GAS7: variants seen among roughly 807,000 people sequenced by gnomAD.
The protein encoded by GAS7 is growth arrest-specific protein 7.
A neutral mutation model predicts 71.1 loss-of-function variants in GAS7; 28 were observed. The ratio of observed to expected loss-of-function variants is 0.39; its 90% CI spans 0.29 to 0.54. The LOEUF (loss-of-function observed/expected upper bound fraction) is 0.54, where lower values mean the gene tolerates loss of function less well. Among genes scored for constraint, GAS7 ranks in the 20% least tolerant of loss-of-function variants. The probability of loss-of-function intolerance (pLI) is 0.62; values close to 1 mark genes in which losing one functional copy is unlikely to be tolerated. For missense variants in GAS7, 436 were observed against 627.8 expected, an observed-to-expected ratio of 0.69 and a Z score of 3.27; for synonymous variants, 258 against 245.8, an observed-to-expected ratio of 1.05 and a Z score of -0.46.
chr17:10,048,722 G>T lies in GAS7; in HGVS notation c.184-28825C>A, dbSNP rs72809306. On this transcript the variant is annotated intron_variant, in intron 1 of 13. Coordinates refer to ENST00000432992, the MANE Select transcript of GAS7 (RefSeq NM_201433.2). ...TATTTCAAGTGAAAGAAATAGGAAG[G>T]TTCTGTTAGAGGCATGCAAGTGAAG... Among the ~76,000 whole-genome samples the T allele has an allele frequency of 6.7e-3, 1,020 of 152,284 alleles. 4 individuals carry two copies. The highest frequency in any genetic ancestry group is 9.5e-3 in the Admixed American group (145 of 15,294).
intron 2 of GAS7, among the ~76,000 whole-genome samples, chr17:9,991,263 G>T (rs1285388343): frequency 6.6e-6 from 1 of 152,186 alleles, no homozygotes; most frequent in Non-Finnish European, 1.5e-5. Context: ...GTGAAGGGGG[G>T]CTAGAATGCC....
chr17:10,198,546 G>A lies in GAS7; in HGVS notation c.-156C>T. 1 of 418,306 alleles carries A rather than the reference G, an allele frequency of 2.4e-6. No homozygotes were observed. The highest frequency in any genetic ancestry group is 4.1e-6 in the Non-Finnish European group (1 of 246,878). 25.9% of individuals were successfully genotyped at this position (418,306 alleles called of 1,614,324 possible). On this transcript the variant is annotated 5_prime_UTR_variant, in exon 1 of 14. Transcript: ENST00000432992. Reference sequence around the variant, plus strand: ...GTGCGCGGGGGTCCTCAGGCAGGCGGGGGACGCGCGCTCCGCGCCGGGAAG... The same window carrying A: ...GTGCGCGGGGGTCCTCAGGCAGGCGAGGGACGCGCGCTCCGCGCCGGGAAG...
At chr17:10,095,206 T>C (rs1331354432) in intron 1 of GAS7, among the ~76,000 whole-genome samples, 4 of 152,226 alleles carry the variant, frequency 2.6e-5, no homozygotes, top group African/African-American at 9.6e-5. Context: ...GGTATATTGG[T>C]ATTCCCTGAA....
chr17:10,116,549 C>G (rs538900587), intron 1 of GAS7, among the ~76,000 whole-genome samples: 4 of 152,078 alleles, frequency 2.6e-5, no homozygotes, highest in African/African-American at 7.2e-5. Flanking sequence ...GCAGATAGCA[C>G]CAGCCGCATC....
chr17:9,983,829 T>G (rs1429674439), intron 2 of GAS7, among the ~76,000 whole-genome samples: 1 of 152,048 alleles, frequency 6.6e-6, no homozygotes, highest in Admixed American at 6.6e-5. Context: ...TTTTAAAAAC[T>G]TTCCAAAATC....
At chr17:9,950,714 G>A (rs2152103131) in intron 5 of GAS7, among the ~76,000 whole-genome samples, 1 of 152,194 alleles carries the variant, frequency 6.6e-6, no homozygotes, top group Admixed American at 6.5e-5. Flanking sequence ...AAATTAGCCG[G>A]GCATGGTGGT....
At chr17:10,063,613 G>T (rs28375310) in intron 1 of GAS7, among the ~76,000 whole-genome samples, 5,465 of 152,202 alleles carry the variant, frequency 0.036, 232 homozygotes, top group African/African-American at 0.11. Context: ...AGCTAATAAT[G>T]GCGGTGCCGA....
At chr17:10,000,670 T>C (rs2071233810) in intron 2 of GAS7, among the ~76,000 whole-genome samples, 1 of 152,240 alleles carries the variant, frequency 6.6e-6, no homozygotes, top group African/African-American at 2.4e-5. Context: ...AAGAAAGTTC[T>C]GCGTTTGCAC....
intron 1 of GAS7, among the ~76,000 whole-genome samples, chr17:10,092,954 CCTTAA>C (rs1278322577): frequency 1.3e-5 from 2 of 152,190 alleles, no homozygotes; most frequent in Non-Finnish European, 1.5e-5. Flanking sequence ...GTCCCCAAAT[CCTTAA>C]CTTAACCACA....
At chr17:9,918,694 C>T (rs1158391153) in intron 12 of GAS7, among the ~76,000 whole-genome samples, 6 of 152,222 alleles carry the variant, frequency 3.9e-5, no homozygotes, top group African/African-American at 1.4e-4. Context: ...GCCAGGGAGG[C>T]AGACTGGGCT....
At chr17:10,120,852 G>A (rs1302389218) in intron 1 of GAS7, among the ~76,000 whole-genome samples, 2 of 152,200 alleles carry the variant, frequency 1.3e-5, no homozygotes, top group Non-Finnish European at 2.9e-5. Context: ...GAGGGAGGGT[G>A]GAGAACGGCA....
At chr17:9,920,668 C>T in intron 11 of GAS7, among the ~76,000 whole-genome samples, 1 of 152,218 alleles carries the variant, frequency 6.6e-6, no homozygotes, top group East Asian at 1.9e-4. Flanking sequence ...AATGTGTGTG[C>T]ACGTGGCAGG....
rs529673778 is a variant in GAS7, at chr17:9,974,338, A to G, written c.386-4576T>C. 1.3e-5 allele frequency among the ~76,000 whole-genome samples: 2 copies of G among 152,142 alleles called. No individual in the cohort carries two copies. The highest frequency in any genetic ancestry group is 3.9e-4 in the East Asian group (2 of 5,170). On this transcript the variant is annotated intron_variant, in intron 3 of 13. Coordinates refer to ENST00000432992, the MANE Select transcript of GAS7 (RefSeq NM_201433.2). This position sits in a 1 kb window ranked among gnomAD's most constrained non-coding sequence, Gnocchi z 4.0. ...CACAAGATCCTGGCAACCCTCACCC[A>G]CGGCATTCCTCATTGCTATTCCCTG...
intron 1 of GAS7, among the ~76,000 whole-genome samples, chr17:10,196,122 C>T (rs773932467): frequency 5.3e-5 from 8 of 152,172 alleles, no homozygotes; most frequent in African/African-American, 1.4e-4. Context: ...TCAGGGGCTG[C>T]GCATGCCCCT....
At chr17:9,962,386 G>A (rs1182691807) in intron 4 of GAS7, among the ~76,000 whole-genome samples, 3 of 152,110 alleles carry the variant, frequency 2.0e-5, no homozygotes, top group Non-Finnish European at 2.9e-5. Context: ...AAGCTCCTTG[G>A]TACTAATTTC....
rs942029051 is a variant in GAS7 at position 10,029,783 on chromosome 17, C to T, written c.184-9886G>A. On this transcript the variant is annotated intron_variant, in intron 1 of 13. Coordinates refer to ENST00000432992, the MANE Select transcript of GAS7 (RefSeq NM_201433.2). ...AGGAGAATTGCTTGAACCTAGAAGG[C>T]GGAGATTGCAGTGAGCTGAGATCAT... Among the ~76,000 whole-genome samples the T allele has an allele frequency of 5.3e-5, 8 of 151,896 alleles. No individual in the cohort carries two copies. The East Asian group carries it at 5.8e-4, about 11-fold the overall frequency.
At chr17:9,991,405 C>G (rs1446282011) in intron 2 of GAS7, among the ~76,000 whole-genome samples, 1 of 152,220 alleles carries the variant, frequency 6.6e-6, no homozygotes, top group African/African-American at 2.4e-5. Context: ...TGGTGGGGAG[C>G]AGGGGCTCCT....
chr17:9,917,296 T>C lies in GAS7; in HGVS notation c.1363A>G (p.Lys455Glu), dbSNP rs769892295. The stretch of plus-strand genomic sequence containing the variant: ...TCTCTGACCCACAGCTCCCTGTCTT[T>C]GGCCGGGTCCACTTTTCGAAGCAGC... ...DQLLRKVDPA[K>E]DRELWVREHK... The change falls in exon 14 of 14, where the codon AAA becomes GAA. Residue 455 changes from lysine (K) to glutamate (E), a missense_variant. Transcript: ENST00000432992. 6.2e-7 allele frequency: 1 copy of C among 1,614,168 alleles called. No individual in the cohort carries two copies. Among genetic ancestry groups the C allele is most frequent in the Non-Finnish European group, 8.5e-7 (1 of 1,179,952 alleles).
At position 9,913,192 on chromosome 17, in the gene GAS7, G is replaced by A. The variant is rs1200013137; in HGVS notation, c.*4036C>T. ...ATGTCAATCATACCTCAATAAACCT[G>A]GGAAAAGGTGGTGGCGATGGGCCTT... On this transcript the variant is annotated 3_prime_UTR_variant, in exon 14 of 14. Transcript: ENST00000432992. 4.3e-6 allele frequency: 1 copy of A among 232,396 alleles called. No homozygotes were observed. The highest frequency in any genetic ancestry group is 6.1e-5 in the East Asian group (1 of 16,440). The allele number at this position is 232,396 out of a possible 1,614,324, so 14.4% of individuals were successfully genotyped here. A position where few individuals can be genotyped will look rare whatever the true frequency, so the allele number is the denominator to read the frequency against.
Sources: gnomAD v4.1 joint callset for allele counts (sites outside exome capture counted in the v4.1 genomes callset) on GRCh38, gnomAD v4.1.1 for gene constraint, Gnocchi (gnomAD v3.1) non-coding constraint, MANE v1.5 for transcripts, NCBI Gene and HGNC (gene_info 2026-07-23, HGNC 2026-07-21) for gene names.